Variants in DLG2 observed in about 807,000 individuals in gnomAD.
DLG2 encodes the protein disks large homolog 2.
DLG2 carries 45 observed loss-of-function variants against 132.5 expected under a neutral mutation model. That is an observed-to-expected ratio of 0.34 (90% CI 0.27 to 0.44). The LOEUF is 0.44. DLG2 is among the 20% of genes least tolerant of loss of function. The pLI is 1.00. For missense variants in DLG2, 1,045 were observed against 1,196.9 expected (o/e 0.87, Z 1.87); for synonymous variants, 424 against 419.6 (o/e 1.01, Z -0.13).
At chr11:84,297,278 T>C (rs2098103655) in intron 7 of DLG2, among the ~76,000 whole-genome samples, 1 of 152,196 alleles carries the variant, frequency 6.6e-6, no homozygotes, top group Non-Finnish European at 1.5e-5. Context: ...GCAAGTATTG[T>C]CTAGAAATCT....
chr11:84,655,518 T>C (rs948815676), intron 6 of DLG2, among the ~76,000 whole-genome samples: 1 of 152,086 alleles, frequency 6.6e-6, no homozygotes, highest in African/African-American at 2.4e-5. Context: ...AAAAAAATAC[T>C]AAGTCACAGA....
At chr11:84,371,052 C>G (rs571754084) in intron 7 of DLG2, among the ~76,000 whole-genome samples, 119 of 152,104 alleles carry the variant, frequency 7.8e-4, no homozygotes, top group Non-Finnish European at 1.3e-3. Flanking sequence ...GGACCAAAGT[C>G]TTTTTGTCGC....
intron 3 of DLG2, among the ~76,000 whole-genome samples, chr11:85,310,813 GACT>G (rs1294240992): frequency 1.3e-5 from 2 of 152,214 alleles, no homozygotes; most frequent in East Asian, 3.9e-4. Context: ...CCATCTAAGT[GACT>G]ACAACAAGCA....
intron 6 of DLG2, among the ~76,000 whole-genome samples, chr11:84,755,131 T>C (rs111917465): frequency 1.3e-5 from 2 of 152,126 alleles, no homozygotes; most frequent in Admixed American, 1.3e-4. Flanking sequence ...ACTTAAAAAA[T>C]TTAAGTTTGA....
intron 3 of DLG2, among the ~76,000 whole-genome samples, chr11:85,413,092 A>G (rs1435042073): frequency 6.6e-6 from 1 of 151,630 alleles, no homozygotes; most frequent in Non-Finnish European, 1.5e-5. Flanking sequence ...TTGATTTTTT[A>G]TTGTGGCCAT....
At chr11:83,718,023 G>T (rs1180241021) in intron 18 of DLG2, among the ~76,000 whole-genome samples, 1 of 152,176 alleles carries the variant, frequency 6.6e-6, no homozygotes, top group African/African-American at 2.4e-5. Flanking sequence ...CTTCAAACCT[G>T]CTCCGTACTC....
intron 6 of DLG2, among the ~76,000 whole-genome samples, chr11:84,754,262 T>C (rs2066561923): frequency 6.6e-6 from 1 of 152,220 alleles, no homozygotes; most frequent in Non-Finnish European, 1.5e-5. Context: ...ATAAATAATA[T>C]GTTATTTTGT....
At chr11:85,499,335 A>G (rs1372187928) in intron 3 of DLG2, among the ~76,000 whole-genome samples, 2 of 152,260 alleles carry the variant, frequency 1.3e-5, no homozygotes, top group Admixed American at 1.3e-4. Context: ...CAAATAAACT[A>G]GAAAATCTAG....
chr11:84,368,975 A>G (rs2098695209), intron 7 of DLG2, among the ~76,000 whole-genome samples: 1 of 152,084 alleles, frequency 6.6e-6, no homozygotes, highest in South Asian at 2.1e-4. Context: ...TTGAAATTGA[A>G]GTTAATTACT....
At chr11:85,133,721 C>A (rs1339115320) in intron 5 of DLG2, among the ~76,000 whole-genome samples, 2 of 152,054 alleles carry the variant, frequency 1.3e-5, no homozygotes, top group Non-Finnish European at 2.9e-5. Flanking sequence ...AAAATGAGTT[C>A]TTTCCCAAAC....
intron 3 of DLG2, among the ~76,000 whole-genome samples, chr11:85,412,760 C>CACACACACACATATATATAT (rs756868795): frequency 1.8e-5 from 2 of 113,244 alleles, no homozygotes; most frequent in African/African-American, 7.4e-5. Flanking sequence ...CACACACACA[C>CACACACACACATATATATAT]ATATATATAT....
intron 3 of DLG2, among the ~76,000 whole-genome samples, chr11:85,288,461 G>A (rs897089054): frequency 6.6e-6 from 1 of 151,932 alleles, no homozygotes; most frequent in South Asian, 2.1e-4. Flanking sequence ...ATAAAACCCA[G>A]AAAACAAAAT....
chr11:84,814,050 C>T (rs1333678740), intron 6 of DLG2, among the ~76,000 whole-genome samples: 1 of 152,092 alleles, frequency 6.6e-6, no homozygotes, highest in African/African-American at 2.4e-5. Context: ...ATTCCTAAAA[C>T]ATTATTATGA....
chr11:85,123,933 G>T (rs2074749587), intron 5 of DLG2, among the ~76,000 whole-genome samples: 1 of 152,154 alleles, frequency 6.6e-6, no homozygotes, highest in Non-Finnish European at 1.5e-5. Flanking sequence ...CTATAAACCT[G>T]CAAAGTATTA....
At chr11:83,911,869 T>C (rs1590843637) in intron 15 of DLG2, among the ~76,000 whole-genome samples, 1 of 152,152 alleles carries the variant, frequency 6.6e-6, no homozygotes, top group Non-Finnish European at 1.5e-5. Flanking sequence ...TTGTTTTCTT[T>C]TTTTTGACAG....
At chr11:85,158,960 A>G (rs1458854376) in intron 4 of DLG2, among the ~76,000 whole-genome samples, 1 of 152,220 alleles carries the variant, frequency 6.6e-6, no homozygotes, top group Non-Finnish European at 1.5e-5. Context: ...GTCAGTTTAC[A>G]GACCCAGAAC....
chr11:84,710,019 C>G (rs527930907), intron 6 of DLG2, among the ~76,000 whole-genome samples: 1 of 151,958 alleles, frequency 6.6e-6, no homozygotes, highest in Non-Finnish European at 1.5e-5. Context: ...TACTTTTAAA[C>G]TACTGTATGG....
intron 7 of DLG2, among the ~76,000 whole-genome samples, chr11:84,468,582 G>A (rs565975679): frequency 1.3e-5 from 2 of 151,624 alleles, no homozygotes; most frequent in South Asian, 4.1e-4. Flanking sequence ...TGCTGTTAGT[G>A]TTTGAGATGA....
chr11:85,515,816 G>A (rs2094158603), intron 3 of DLG2, among the ~76,000 whole-genome samples: 1 of 151,946 alleles, frequency 6.6e-6, no homozygotes, highest in African/African-American at 2.4e-5. Context: ...TGAGAATACA[G>A]GATTTGAAGA....
Sources: gnomAD v4.1 joint callset for allele counts (sites outside exome capture counted in the v4.1 genomes callset) on GRCh38, gnomAD v4.1.1 for gene constraint, MANE v1.5 for transcripts, NCBI Gene and HGNC (gene_info 2026-07-23, HGNC 2026-07-21) for gene names.